The following ZFAND4 variants were observed in gnomAD, a reference collection of about 807,000 sequenced individuals.
The protein encoded by ZFAND4 is zinc finger AN1-type containing 4.
In ZFAND4, 43 loss-of-function variants were observed where a neutral mutation model predicts 64.4. The ratio of observed to expected loss-of-function variants is 0.67; its 90% CI spans 0.52 to 0.86. The LOEUF (loss-of-function observed/expected upper bound fraction) is 0.86. Ranked by LOEUF, ZFAND4 falls within the 40% of genes least tolerant of loss-of-function variation. The pLI, the probability that ZFAND4 is intolerant of heterozygous loss-of-function variation, is 0.00. For missense variants in ZFAND4, 929 were observed against 859.8 expected, an observed-to-expected ratio of 1.08 and a Z score of -1.01; for synonymous variants, 296 against 305.7, an observed-to-expected ratio of 0.97 and a Z score of 0.33.
chr10:45,616,992 C>T (rs2045017732), intron 9 of ZFAND4, among the ~76,000 whole-genome samples: 1 of 151,518 alleles, frequency 6.6e-6, no homozygotes, highest in Non-Finnish European at 1.5e-5. Flanking sequence ...GCAGGAGAAT[C>T]GCTTGAACCC....
At chr10:45,662,237 C>T (rs192504095) in intron 2 of ZFAND4, among the ~76,000 whole-genome samples, 1 of 152,230 alleles carries the variant, frequency 6.6e-6, no homozygotes, top group African/African-American at 2.4e-5. Context: ...ACCAAAAAGC[C>T]ACTGCTTTTG....
intron 1 of ZFAND4, among the ~76,000 whole-genome samples, chr10:45,664,418 A>T (rs1276796184): frequency 6.6e-6 from 1 of 151,600 alleles, no homozygotes; most frequent in African/African-American, 2.4e-5. Flanking sequence ...ACAGGCACCC[A>T]CCACCATGCC....
chr10:45,661,170 A>C (rs1415134320), intron 2 of ZFAND4, among the ~76,000 whole-genome samples: 1 of 152,156 alleles, frequency 6.6e-6, no homozygotes, highest in African/African-American at 2.4e-5. Context: ...TAACTCATTT[A>C]ATCCTGAGAA....
chr10:45,621,593 T>C (rs1452386218), intron 8 of ZFAND4, among the ~76,000 whole-genome samples: 3 of 151,718 alleles, frequency 2.0e-5, no homozygotes, highest in Non-Finnish European at 2.9e-5. Flanking sequence ...ATACAAAAAA[T>C]TAGCCGGGTG....
chr10:45,669,714 G>A (rs1367108756), intron 1 of ZFAND4, among the ~76,000 whole-genome samples: 1 of 152,172 alleles, frequency 6.6e-6, no homozygotes, highest in East Asian at 1.9e-4. Flanking sequence ...TGGGATGCAA[G>A]GCTGGTTCAA....
Position 45,618,202 on chromosome 10 carries a change from TTTC to T in ZFAND4, c.1983_1985del (p.Lys662del), listed in dbSNP as rs757099402. The stretch of plus-strand genomic sequence containing the variant: ...CACAAAGAAAACAATGATTTGTTGT[TTTC>T]TTCTTTGTCTGAAGAGGGGCTTTCA... On this transcript the variant is annotated inframe_deletion, in exon 9 of 10. Coordinates refer to ENST00000344646, the MANE Select transcript of ZFAND4 (RefSeq NM_174890.4). The T allele has an allele frequency of 1.3e-5, 21 of 1,613,868 alleles. No individual in the cohort carries two copies. Among genetic ancestry groups the T allele is most frequent in the Non-Finnish European group, 1.7e-5 (20 of 1,179,916 alleles).
At chr10:45,627,192 C>A in intron 6 of ZFAND4, 87 bp from the exon 7 acceptor site, 1 of 1,006,280 alleles carries the variant, frequency 9.9e-7, no homozygotes, top group Non-Finnish European at 1.4e-6. Flanking sequence ...ATGTTACTTA[C>A]CATAACATAC....
intron 5 of ZFAND4, 131 bp from the exon 6 acceptor site, chr10:45,640,094 G>C: frequency 7.7e-7 from 1 of 1,301,166 alleles, no homozygotes; most frequent in Non-Finnish European, 1.0e-6. Context: ...CAATGTTAAT[G>C]TCAGGAAAAT....
chr10:45,627,256 T>C (rs974631078), intron 6 of ZFAND4, 151 bp from the exon 7 acceptor site: 1 of 590,044 alleles, frequency 1.7e-6, no homozygotes, highest in Non-Finnish European at 2.7e-6. Flanking sequence ...AATCTTAAGA[T>C]TATGACAGAG....
intron 7 of ZFAND4, among the ~76,000 whole-genome samples, chr10:45,625,277 C>T (rs2045720059): frequency 2.0e-5 from 3 of 150,828 alleles, no homozygotes; most frequent in South Asian, 2.1e-4. Flanking sequence ...TCGAGACCAT[C>T]CTGGCTAACA....
chr10:45,640,470 A>AT (rs2046916794), intron 5 of ZFAND4: 11 of 1,170,008 alleles, frequency 9.4e-6, no homozygotes, highest in Non-Finnish European at 1.2e-5. Flanking sequence ...TCATCAGAAC[A>AT]TTTTCTATTC....
chr10:45,639,476 A>C, intron 6 of ZFAND4, among the ~76,000 whole-genome samples: 1 of 152,232 alleles, frequency 6.6e-6, no homozygotes, highest in East Asian at 1.9e-4. Context: ...AAAAACTGGC[A>C]CTATCTACTA....
At chr10:45,632,629 G>A (rs2046303659) in intron 6 of ZFAND4, among the ~76,000 whole-genome samples, 1 of 152,070 alleles carries the variant, frequency 6.6e-6, no homozygotes, top group Non-Finnish European at 1.5e-5. Context: ...TAGTATTAAT[G>A]TAAAGTGAAT....
intron 6 of ZFAND4, among the ~76,000 whole-genome samples, chr10:45,635,221 A>AAAAC (rs1475045511): frequency 7.2e-6 from 1 of 138,972 alleles, no homozygotes; most frequent in Non-Finnish European, 1.6e-5. Context: ...AAACAAAAAA[A>AAAAC]AAACAAACAA....
intron 5 of ZFAND4, among the ~76,000 whole-genome samples, chr10:45,640,914 T>C (rs1410593381): frequency 1.3e-5 from 2 of 152,228 alleles, no homozygotes; most frequent in Non-Finnish European, 2.9e-5. Flanking sequence ...TACAAGCTAT[T>C]AAACAGGTTA....
chr10:45,638,947 G>A (rs1205471695), intron 6 of ZFAND4, among the ~76,000 whole-genome samples: 1 of 152,158 alleles, frequency 6.6e-6, no homozygotes, highest in Non-Finnish European at 1.5e-5. Flanking sequence ...GTAGGAACAG[G>A]TACGTATTAA....
chr10:45,645,384 T>G (rs956246255), intron 5 of ZFAND4, among the ~76,000 whole-genome samples: 7 of 152,216 alleles, frequency 4.6e-5, no homozygotes, highest in African/African-American at 7.2e-5. Context: ...AATGGTAAAC[T>G]TCAATTGTTT....
At chr10:45,618,397 C>G in intron 8 of ZFAND4, 137 bp from the exon 9 acceptor site, 1 of 1,080,192 alleles carries the variant, frequency 9.3e-7, no homozygotes. Flanking sequence ...ATTTTTATAT[C>G]TAAAATTACT....
chr10:45,627,148 T>C (rs1280980296), intron 6 of ZFAND4, 43 bp from the exon 7 acceptor site: 2 of 1,472,556 alleles, frequency 1.4e-6, no homozygotes, highest in Non-Finnish European at 1.8e-6. Flanking sequence ...AGTCGTTTTC[T>C]CTGCCCATTA....
Sources: gnomAD v4.1 joint callset for allele counts (sites outside exome capture counted in the v4.1 genomes callset) on GRCh38, gnomAD v4.1.1 for gene constraint, MANE v1.5 for transcripts, NCBI Gene and HGNC (gene_info 2026-07-23, HGNC 2026-07-21) for gene names.